NPFFR2: variants seen among roughly 807,000 people sequenced by gnomAD.
NPFFR2 encodes neuropeptide FF receptor 2, also known as G-protein coupled receptor 74.
In NPFFR2, 15 loss-of-function variants were observed where a neutral mutation model predicts 13.1. That is an observed-to-expected ratio of 1.15 (90% CI 0.77 to 1.76). The LOEUF (loss-of-function observed/expected upper bound fraction) is 1.76, where lower values mean the gene tolerates loss of function less well. Among genes scored for constraint, NPFFR2 ranks in the 40% most tolerant of loss-of-function variants. The pLI, the probability that NPFFR2 is intolerant of heterozygous loss-of-function variation, is 0.00. For synonymous variants in NPFFR2, 190 were observed against 175.7 expected, an observed-to-expected ratio of 1.08 and a Z score of -0.65; for missense variants, 572 against 503.5, an observed-to-expected ratio of 1.14 and a Z score of -1.30.
intron 1 of NPFFR2, among the ~76,000 whole-genome samples, chr4:72,126,375 A>T (rs963263530): frequency 6.6e-6 from 1 of 152,228 alleles, no homozygotes; most frequent in Non-Finnish European, 1.5e-5. Flanking sequence ...GGTCAATTTT[A>T]TAAGCCCACT....
intron 1 of NPFFR2, among the ~76,000 whole-genome samples, chr4:72,073,383 A>G (rs921461989): frequency 6.6e-6 from 1 of 152,044 alleles, no homozygotes; most frequent in African/African-American, 2.4e-5. Flanking sequence ...CTATCTTTCA[A>G]AAGCTTACCA....
intron 1 of NPFFR2, among the ~76,000 whole-genome samples, chr4:72,114,888 G>A (rs1721666749): frequency 6.6e-6 from 1 of 152,114 alleles, no homozygotes; most frequent in Admixed American, 6.6e-5. Context: ...CTACTTCCCT[G>A]CTGATGACCT....
rs575668060 is a variant in NPFFR2, at chr4:72,139,906, G to A, written c.428+1767G>A. Among the ~76,000 whole-genome samples the A allele has an allele frequency of 3.3e-5, 5 of 151,994 alleles. No individual in the cohort carries two copies. The East Asian group carries it at 7.8e-4, about 24-fold the overall frequency. ...TATCCATGAGCATGAATGTTCTTCCGTTTGTTTGTGTCCTCTTTTATTTCG... is the reference window on the plus strand; with the variant it reads ...TATCCATGAGCATGAATGTTCTTCCATTTGTTTGTGTCCTCTTTTATTTCG... On this transcript the variant is annotated intron_variant, in intron 3 of 3. Transcript: ENST00000308744.
At chr4:72,107,342 C>G (rs1198471486) in intron 1 of NPFFR2, among the ~76,000 whole-genome samples, 1 of 150,954 alleles carries the variant, frequency 6.6e-6, no homozygotes, top group East Asian at 1.9e-4. Flanking sequence ...ATTCACCTCA[C>G]TGAACTTCAT....
chr4:72,065,320 A>G (rs1249209650), intron 1 of NPFFR2, among the ~76,000 whole-genome samples: 1 of 152,174 alleles, frequency 6.6e-6, no homozygotes, highest in Non-Finnish European at 1.5e-5. Context: ...GACCAAAAGG[A>G]ATGCGATGGA....
chr4:72,141,426 T>C (rs1162763567), intron 3 of NPFFR2, among the ~76,000 whole-genome samples: 1 of 152,196 alleles, frequency 6.6e-6, no homozygotes, highest in African/African-American at 2.4e-5. Context: ...TACACACTGC[T>C]TTAAATGTGT....
intron 1 of NPFFR2, among the ~76,000 whole-genome samples, chr4:72,084,470 A>G (rs924573250): frequency 3.3e-5 from 5 of 152,316 alleles, no homozygotes; most frequent in South Asian, 2.1e-4. Flanking sequence ...AGGAATTTGA[A>G]CAATAAAATG....
intron 2 of NPFFR2, among the ~76,000 whole-genome samples, chr4:72,136,415 A>AT (rs1206848953): frequency 2.0e-5 from 3 of 152,172 alleles, no homozygotes; most frequent in Non-Finnish European, 4.4e-5. Context: ...AGAAAAAAAA[A>AT]GACTAGATCT....
chr4:72,065,491 T>C (rs1033022098), intron 1 of NPFFR2, among the ~76,000 whole-genome samples: 19 of 152,212 alleles, frequency 1.2e-4, no homozygotes, highest in African/African-American at 4.6e-4. Context: ...CCATTATTAA[T>C]GTTTTAAAAG....
At chr4:72,076,368 G>T (rs961350687) in intron 1 of NPFFR2, among the ~76,000 whole-genome samples, 32 of 152,060 alleles carry the variant, frequency 2.1e-4, no homozygotes, top group Admixed American at 7.2e-4. Context: ...TATATAAATT[G>T]TTATATTCTA....
Position 72,147,615 on chromosome 4 carries a change from AG to A in NPFFR2, c.1067del (p.Arg356LysfsTer10). 6.2e-7 allele frequency: 1 copy of A among 1,614,204 alleles called. No homozygotes were observed. The highest frequency in any genetic ancestry group is 8.5e-7 in the Non-Finnish European group (1 of 1,180,026). ...TTTCCAGCTCCAGCTCTGCCAAAAA[AG>A]AGCAAAGCCTATGGAAGCTTATGCC... Reference protein sequence around the residue: ...EAFQLQLCQKRAKPMEAYALK... With the variant: ...EAFQLQLCQKXAKPMEAYALK... On this transcript the variant is annotated frameshift_variant, in exon 4 of 4. Transcript: ENST00000308744. LOFTEE classifies it low-confidence loss of function (END_TRUNC).
intron 3 of NPFFR2, among the ~76,000 whole-genome samples, chr4:72,142,264 G>A (rs941385129): frequency 2.6e-5 from 4 of 152,112 alleles, no homozygotes; most frequent in African/African-American, 9.7e-5. Flanking sequence ...TACATTTAAG[G>A]TTAATAGCGT....
intron 1 of NPFFR2, among the ~76,000 whole-genome samples, chr4:72,120,832 T>C (rs1246634909): frequency 1.3e-5 from 2 of 151,986 alleles, no homozygotes; most frequent in Non-Finnish European, 2.9e-5. Flanking sequence ...AAAACCAGAA[T>C]GCCTTTTCTC....
intron 1 of NPFFR2, among the ~76,000 whole-genome samples, chr4:72,095,972 A>G (rs1268555626): frequency 7.8e-6 from 1 of 127,964 alleles, no homozygotes. Flanking sequence ...TTTTAGAAAT[A>G]ATTGTTTCAA....
intron 1 of NPFFR2, among the ~76,000 whole-genome samples, chr4:72,077,333 C>T (rs1720476735): frequency 6.6e-6 from 1 of 152,134 alleles, no homozygotes; most frequent in Admixed American, 6.6e-5. Context: ...AAAGCTACCA[C>T]TATCATCTCT....
intron 1 of NPFFR2, among the ~76,000 whole-genome samples, chr4:72,101,831 C>T (rs1040769055): frequency 1.7e-4 from 26 of 152,026 alleles, no homozygotes; most frequent in African/African-American, 6.3e-4. Context: ...AGCTGGGACT[C>T]ATGGGCAAGG....
intron 2 of NPFFR2, among the ~76,000 whole-genome samples, chr4:72,135,581 T>C (rs1722382699): frequency 6.6e-6 from 1 of 152,088 alleles, no homozygotes; most frequent in African/African-American, 2.4e-5. Flanking sequence ...CCCACCATGA[T>C]ACAACAGTAT....
intron 1 of NPFFR2, among the ~76,000 whole-genome samples, chr4:72,107,302 C>A (rs1190115374): frequency 6.6e-6 from 1 of 150,380 alleles, no homozygotes; most frequent in Non-Finnish European, 1.5e-5. Flanking sequence ...AAATATAAGG[C>A]ACACTAGATT....
intron 1 of NPFFR2, among the ~76,000 whole-genome samples, chr4:72,091,621 A>G (rs1720921973): frequency 6.6e-6 from 1 of 152,110 alleles, no homozygotes; most frequent in African/African-American, 2.4e-5. Flanking sequence ...GTATGTGTGA[A>G]AAGGCATTCA....
Sources: allele counts gnomAD v4.1 joint callset (sites outside exome capture counted in the v4.1 genomes callset), GRCh38; gene constraint gnomAD v4.1.1; transcripts MANE v1.5; gene names NCBI Gene and HGNC (gene_info 2026-07-23, HGNC 2026-07-21).